Variants in ZNF286A observed in about 807,000 individuals in gnomAD.
ZNF286A encodes zinc finger protein 286A.
ZNF286A carries 34 observed loss-of-function variants against 49.3 expected under a neutral mutation model. The ratio of observed to expected loss-of-function variants is 0.69; its 90% CI spans 0.52 to 0.92. The LOEUF is 0.92. Among genes scored for constraint, ZNF286A ranks in the 40% least tolerant of loss-of-function variants. The pLI is 0.00. For synonymous variants in ZNF286A, 155 were observed against 200.4 expected (o/e 0.77, Z 1.91); for missense variants, 462 against 600.2 (o/e 0.77, Z 2.41).
At position 15,709,207 on chromosome 17, in the gene ZNF286A, C is replaced by T. The variant is rs1244362424; in HGVS notation, c.334+960C>T. 2.0e-5 allele frequency among the ~76,000 whole-genome samples: 3 copies of T among 150,104 alleles called. No homozygotes were observed. The East Asian group carries it at 5.9e-4, about 29-fold the overall frequency. ...TATTCAGTTAAAGCCCTTTTATTCT[C>T]AGCTGGGTGTGGTGACTCACGCCTG... On this transcript the variant is annotated intron_variant, in intron 5 of 5. Coordinates refer to ENST00000583566, the MANE Select transcript of ZNF286A (RefSeq NM_001130842.2).
In ZNF286A at chr17:15,719,926, T is replaced by C. The variant is rs1025027518; in HGVS notation, c.*2636T>C. The C allele has an allele frequency of 1.3e-5, 2 of 152,218 alleles. No individual in the cohort carries two copies. Among genetic ancestry groups the C allele is most frequent in the African/African-American group, 4.8e-5 (2 of 41,462 alleles). The allele number at this position is 152,218 out of a possible 1,614,324, so 9.4% of individuals were successfully genotyped here. A position where few individuals can be genotyped will look rare whatever the true frequency, so the allele number is the denominator to read the frequency against. Reference sequence around the variant, plus strand: ...GGGAAATGCTGCATCAAAATACTCCTACCTCTAGGATGTTACTATATATTG... The same window carrying C: ...GGGAAATGCTGCATCAAAATACTCCCACCTCTAGGATGTTACTATATATTG... On this transcript the variant is annotated 3_prime_UTR_variant, in exon 6 of 6. Transcript: ENST00000583566.
chr17:15,712,016 T>G (rs1247403496), intron 5 of ZNF286A, among the ~76,000 whole-genome samples: 2 of 151,626 alleles, frequency 1.3e-5, no homozygotes, highest in African/African-American at 4.8e-5. Flanking sequence ...GGACTACAGG[T>G]GCCCGCCACC....
At position 15,708,141 on chromosome 17, in the gene ZNF286A, T is replaced by G. The variant is rs760046201; in HGVS notation, c.242-14T>G. The G allele has an allele frequency of 6.6e-7, 1 of 1,523,270 alleles. No individual in the cohort carries two copies. The highest frequency in any genetic ancestry group is 1.4e-5 in the South Asian group (1 of 73,334). 94.4% of individuals were successfully genotyped at this position (1,523,270 alleles called of 1,614,324 possible). A position where few individuals can be genotyped will look rare whatever the true frequency, so the allele number is the denominator to read the frequency against. On this transcript the variant is annotated splice_polypyrimidine_tract_variant and intron_variant, in intron 4 of 5. Coordinates refer to ENST00000583566, the MANE Select transcript of ZNF286A (RefSeq NM_001130842.2). ...CTTTCTTCTTTCTGTCTTTTTCTTT[T>G]TTTAAATGAATAGGGCTTCCAGTTT...
At chr17:15,712,329 T>C (rs564939488) in intron 5 of ZNF286A, among the ~76,000 whole-genome samples, 4 of 152,356 alleles carry the variant, frequency 2.6e-5, no homozygotes, top group African/African-American at 7.2e-5. Context: ...CCACAACCAG[T>C]TACCTTCTAT....
chr17:15,708,626 C>T (rs532008158), intron 5 of ZNF286A, among the ~76,000 whole-genome samples: 1 of 152,312 alleles, frequency 6.6e-6, no homozygotes, highest in South Asian at 2.1e-4. Context: ...TCAGGACCCT[C>T]CCTTCTCCCA....
rs141671895 is a variant in ZNF286A, at chr17:15,702,395, A to G, written c.126+1155A>G. ...CTGGGCTTGGTGGTGCGCACTTGTAATCCCAGCTACTCCGGAGACTGAGGC... is the reference window on the plus strand; with the variant it reads ...CTGGGCTTGGTGGTGCGCACTTGTAGTCCCAGCTACTCCGGAGACTGAGGC... On this transcript the variant is annotated intron_variant, in intron 3 of 5. Coordinates refer to ENST00000583566, the MANE Select transcript of ZNF286A (RefSeq NM_001130842.2). Among the ~76,000 whole-genome samples, 432 of 151,544 alleles carry G rather than the reference A, an allele frequency of 2.9e-3. 3 individuals are homozygous for G. Among genetic ancestry groups the G allele is most frequent in the African/African-American group, 9.8e-3 (405 of 41,310 alleles).
chr17:15,711,964 T>C (rs1355857595), intron 5 of ZNF286A, among the ~76,000 whole-genome samples: 34 of 143,484 alleles, frequency 2.4e-4, no homozygotes, highest in Admixed American at 1.5e-4. Context: ...CTCTGCCTCC[T>C]GGGTTCACGC....
chr17:15,709,708 G>A (rs1255256575), intron 5 of ZNF286A: 26 of 987,082 alleles, frequency 2.6e-5, no homozygotes, highest in Middle Eastern at 3.4e-4. Flanking sequence ...ATTGTATTTC[G>A]ATATTAATCT....
In ZNF286A at chr17:15,716,425, A is replaced by G. The variant is rs1487475471; in HGVS notation, c.701A>G (p.Gln234Arg). The change falls in exon 6 of 6, where the codon CAG becomes CGG. Residue 234 changes from glutamine to arginine, a missense_variant. By Grantham distance (43) the Gln-to-Arg change is conservative. Coordinates refer to ENST00000583566, the MANE Select transcript of ZNF286A (RefSeq NM_001130842.2). ...CAAAAATCAAACTTAATGAAAAAGC[A>G]GAGAACTTATAAAGAGAAAAAACCT... ...LKQKSNLMKK[Q>R]RTYKEKKPHK... 2 of 1,613,254 alleles carry G rather than the reference A, an allele frequency of 1.2e-6. No homozygotes were observed. The highest frequency in any genetic ancestry group is 1.3e-5 in the African/African-American group (1 of 74,792).
At chr17:15,711,082 T>A (rs1990611331) in intron 5 of ZNF286A, among the ~76,000 whole-genome samples, 1 of 152,044 alleles carries the variant, frequency 6.6e-6, no homozygotes, top group Non-Finnish European at 1.5e-5. Context: ...CGGCTAATTT[T>A]TTTTTATTTT....
intron 3 of ZNF286A, among the ~76,000 whole-genome samples, chr17:15,702,111 ACT>A (rs760168880): frequency 1.3e-5 from 2 of 148,416 alleles, no homozygotes; most frequent in African/African-American, 2.5e-5. Context: ...AATGAGGGAA[ACT>A]CTGTCTCAAA....
rs1290573392 is a variant in ZNF286A at position 15,719,624 on chromosome 17, G to C, written c.*2334G>C. 1 of 152,072 alleles carries C rather than the reference G, an allele frequency of 6.6e-6. No individual in the cohort carries two copies. The highest frequency in any genetic ancestry group is 1.5e-5 in the Non-Finnish European group (1 of 68,072). The allele number at this position is 152,072 out of a possible 1,614,324, so 9.4% of individuals were successfully genotyped here. On this transcript the variant is annotated 3_prime_UTR_variant, in exon 6 of 6. Transcript: ENST00000583566. The stretch of plus-strand genomic sequence containing the variant: ...AAGGGCACTAATCCCATTCATGAGA[G>C]CTCCACCCTCACGACCTAATCACCT...
chr17:15,715,990 C>T (rs1180177081), intron 5 of ZNF286A, 69 bp from the exon 6 acceptor site: 5 of 1,602,896 alleles, frequency 3.1e-6, no homozygotes, highest in Admixed American at 1.7e-5. Flanking sequence ...TTAACTCTTA[C>T]CTATTACAGA....
At position 15,716,632 on chromosome 17, in the gene ZNF286A, G is replaced by T. The variant is rs1266213780; in HGVS notation, c.908G>T (p.Cys303Phe). ...AGAATTCTCTTTGAATGCAGTGAAT[G>T]CAAGAAAACCTTCACAGAAAGCTCA... Reference protein sequence around the residue: ...HTRILFECSECKKTFTESSSL... With the variant: ...HTRILFECSEFKKTFTESSSL... Residue 303 changes from cysteine to phenylalanine, a missense_variant, in exon 6 of 6, where the codon TGC (cysteine) becomes TTC (phenylalanine). Physicochemically the swap from Cys to Phe is radical, Grantham distance 205 (BLOSUM62 -2). Around this residue, in one of 3 missense-constraint regions of ZNF286A, gnomAD observed 201 missense variants for 311.3 expected, o/e 0.65. Coordinates refer to ENST00000583566, the MANE Select transcript of ZNF286A (RefSeq NM_001130842.2). 3.1e-6 allele frequency: 5 copies of T among 1,614,002 alleles called. No individual in the cohort carries two copies. The Admixed American group carries it at 8.3e-5, about 27-fold the overall frequency.
chr17:15,715,834 T>C (rs568235818), intron 5 of ZNF286A, among the ~76,000 whole-genome samples: 1 of 152,352 alleles, frequency 6.6e-6, no homozygotes, highest in East Asian at 1.9e-4. Context: ...TTTTGTCATC[T>C]TTCTCCTCTT....
At chr17:15,704,669 A>G in intron 3 of ZNF286A, 3 of 1,613,942 alleles carry the variant, frequency 1.9e-6, no homozygotes, top group Non-Finnish European at 2.5e-6. Flanking sequence ...GTCAGGAAGT[A>G]GCCCTTGGGT....
At chr17:15,709,639 C>A (rs1392692880) in intron 5 of ZNF286A, among the ~76,000 whole-genome samples, 3 of 152,008 alleles carry the variant, frequency 2.0e-5, no homozygotes, top group African/African-American at 7.2e-5. Flanking sequence ...GTATGTAAAA[C>A]AATCTGTATG....
chr17:15,707,365 G>A (rs1423522319), intron 4 of ZNF286A, among the ~76,000 whole-genome samples: 3 of 151,742 alleles, frequency 2.0e-5, no homozygotes, highest in Non-Finnish European at 2.9e-5. Flanking sequence ...GCATGACCCC[G>A]GGAGGCGGAG....
At chr17:15,704,720 G>A (rs1899484306) in intron 3 of ZNF286A, 1 of 1,613,676 alleles carries the variant, frequency 6.2e-7, no homozygotes, top group African/African-American at 1.3e-5. Flanking sequence ...AGTTTCATGC[G>A]GAACAGACCT....
Sources: gnomAD v4.1 joint callset for allele counts (sites outside exome capture counted in the v4.1 genomes callset) on GRCh38, gnomAD v4.1.1 for gene constraint, gnomAD v4.1.1 regional missense constraint, MANE v1.5 for transcripts, NCBI Gene and HGNC (gene_info 2026-07-23, HGNC 2026-07-21) for gene names.